Variants in CSMD1 observed in about 807,000 individuals in gnomAD.
The protein encoded by CSMD1 is CUB and sushi domain-containing protein 1.
CSMD1 carries 213 observed loss-of-function variants against 417.5 expected under a neutral mutation model. The ratio of observed to expected loss-of-function variants is 0.51; its 90% CI spans 0.46 to 0.57. The LOEUF (loss-of-function observed/expected upper bound fraction) is 0.57. CSMD1 is among the 20% of genes least tolerant of loss of function. The probability of loss-of-function intolerance (pLI) is 0.00; values close to 1 mark genes in which losing one functional copy is unlikely to be tolerated. For missense variants in CSMD1, 6,923 were observed against 4,529.7 expected (o/e 1.53, Z -15.17); for synonymous variants, 2,862 against 1,736.8 (o/e 1.65, Z -16.11).
At chr8:4,910,784 G>A (rs913206596) in intron 1 of CSMD1, among the ~76,000 whole-genome samples, 1 of 152,156 alleles carries the variant, frequency 6.6e-6, no homozygotes, top group Non-Finnish European at 1.5e-5. Context: ...CTTATAAGGT[G>A]GGAAAATATA....
chr8:3,180,973 C>T, intron 37 of CSMD1, 137 bp downstream of exon 37: 2 of 640,596 alleles, frequency 3.1e-6, no homozygotes, highest in Admixed American at 2.7e-5. Flanking sequence ...GATTTCATAA[C>T]ACTAAATTTC....
chr8:4,390,045 T>C (rs913947491), intron 3 of CSMD1, among the ~76,000 whole-genome samples: 51 of 152,236 alleles, frequency 3.4e-4, no homozygotes, highest in African/African-American at 1.2e-3. Flanking sequence ...CTATACTAAT[T>C]TACATTTTCT....
At chr8:4,919,902 A>G (rs977081370) in intron 1 of CSMD1, among the ~76,000 whole-genome samples, 2 of 152,092 alleles carry the variant, frequency 1.3e-5, no homozygotes, top group Non-Finnish European at 2.9e-5. Context: ...GCAACAAGGT[A>G]TTCTCTTGGA....
chr8:3,527,755 T>C (rs1797814572), intron 10 of CSMD1, among the ~76,000 whole-genome samples: 1 of 152,180 alleles, frequency 6.6e-6, no homozygotes, highest in Non-Finnish European at 1.5e-5. Context: ...GACTTCTCTG[T>C]ACTGTTTTAT....
intron 2 of CSMD1, among the ~76,000 whole-genome samples, chr8:4,584,922 T>C (rs768722579): frequency 6.6e-6 from 1 of 152,082 alleles, no homozygotes; most frequent in Non-Finnish European, 1.5e-5. Flanking sequence ...TTAGACTGGA[T>C]TAAGGAGATC....
intron 2 of CSMD1, among the ~76,000 whole-genome samples, chr8:4,518,402 A>G (rs1229856595): frequency 1.3e-5 from 2 of 152,164 alleles, no homozygotes; most frequent in Admixed American, 1.3e-4. Flanking sequence ...AACTATATTG[A>G]ACACTAATTT....
At chr8:3,914,860 A>G (rs1168833961) in intron 5 of CSMD1, among the ~76,000 whole-genome samples, 1 of 152,198 alleles carries the variant, frequency 6.6e-6, no homozygotes, top group Non-Finnish European at 1.5e-5. Flanking sequence ...CAAGGCACAC[A>G]TCATACAGTT....
intron 54 of CSMD1, among the ~76,000 whole-genome samples, chr8:2,980,355 C>T (rs1805299244): frequency 6.6e-6 from 1 of 151,690 alleles, no homozygotes; most frequent in African/African-American, 2.4e-5. Flanking sequence ...TTTCCTCCTC[C>T]ACCTCTGTGT....
chr8:3,957,241 C>A (rs79771317), intron 5 of CSMD1, among the ~76,000 whole-genome samples: 1 of 152,194 alleles, frequency 6.6e-6, no homozygotes, highest in African/African-American at 2.4e-5. Flanking sequence ...CAAAGACAGT[C>A]TTTGTGTGTA....
At chr8:3,837,438 G>A (rs539315762) in intron 5 of CSMD1, among the ~76,000 whole-genome samples, 16 of 152,198 alleles carry the variant, frequency 1.1e-4, no homozygotes, top group Admixed American at 9.2e-4. Context: ...ACATATGACA[G>A]GCATTTATAA....
intron 5 of CSMD1, among the ~76,000 whole-genome samples, chr8:3,813,537 CTAATA>C (rs1315295078): frequency 1.3e-5 from 2 of 152,122 alleles, no homozygotes; most frequent in African/African-American, 4.8e-5. Context: ...TCCATCTACT[CTAATA>C]TAACACAACG....
At chr8:4,035,758 G>A (rs561667205) in intron 3 of CSMD1, among the ~76,000 whole-genome samples, 26 of 152,286 alleles carry the variant, frequency 1.7e-4, no homozygotes, top group South Asian at 6.2e-4. Flanking sequence ...AGAAGTTTAT[G>A]AAGTAACGTT....
At chr8:4,098,816 C>G (rs1004337758) in intron 3 of CSMD1, among the ~76,000 whole-genome samples, 6 of 152,154 alleles carry the variant, frequency 3.9e-5, no homozygotes, top group Non-Finnish European at 4.4e-5. Context: ...AAAAAGTTGT[C>G]TCTTCTCATC....
intron 10 of CSMD1, among the ~76,000 whole-genome samples, chr8:3,527,782 G>C (rs1006395956): frequency 9.8e-5 from 15 of 152,286 alleles, no homozygotes; most frequent in African/African-American, 3.4e-4. Context: ...CTTTGGATCT[G>C]TAAGTATTTC....
At chr8:3,738,911 A>G (rs1563327547) in intron 6 of CSMD1, among the ~76,000 whole-genome samples, 1 of 152,186 alleles carries the variant, frequency 6.6e-6, no homozygotes, top group Non-Finnish European at 1.5e-5. Flanking sequence ...TAAGGCCTCC[A>G]TGGTCTTCCC....
intron 1 of CSMD1, among the ~76,000 whole-genome samples, chr8:4,974,106 C>T (rs912995395): frequency 2.0e-5 from 3 of 152,156 alleles, no homozygotes; most frequent in South Asian, 2.1e-4. Flanking sequence ...CTGCAATCTC[C>T]GCCTCTTGGG....
At chr8:3,551,514 C>A (rs141921659) in intron 10 of CSMD1, among the ~76,000 whole-genome samples, 3 of 150,836 alleles carry the variant, frequency 2.0e-5, no homozygotes, top group Non-Finnish European at 4.4e-5. Context: ...AGACCCTTTA[C>A]GTCCCTAACC....
rs370212469 is a variant in CSMD1 at position 4,013,103 on chromosome 8, C to G, written c.611-14993G>C. 1.3e-4 allele frequency among the ~76,000 whole-genome samples: 20 copies of G among 152,248 alleles called. No homozygotes were observed. In the East Asian group the frequency reaches 1.9e-3, roughly 15 times the overall value. ...AGTAATCCTCTCAAATGCTGTGTCA[C>G]ACGATGTCGTTTTTCTTCTCGTATC... is the stretch of plus-strand genomic sequence containing the variant. On this transcript the variant is annotated intron_variant, in intron 4 of 69. Coordinates refer to ENST00000635120, the MANE Select transcript of CSMD1 (RefSeq NM_033225.6).
At chr8:3,853,969 A>G (rs1203214319) in intron 5 of CSMD1, among the ~76,000 whole-genome samples, 1 of 139,020 alleles carries the variant, frequency 7.2e-6, no homozygotes, top group African/African-American at 2.6e-5. Flanking sequence ...TAAATATATC[A>G]TGTCAATATA....
Sources: gnomAD v4.1 joint callset for allele counts (sites outside exome capture counted in the v4.1 genomes callset) on GRCh38, gnomAD v4.1.1 for gene constraint, MANE v1.5 for transcripts, NCBI Gene and HGNC (gene_info 2026-07-23, HGNC 2026-07-21) for gene names.